FBXL7: variants seen among roughly 807,000 people sequenced by gnomAD.
The protein encoded by FBXL7 is F-box and leucine rich repeat protein 7.
In FBXL7, 12 loss-of-function variants were observed where a neutral mutation model predicts 38.3. The observed-to-expected ratio is 0.31, with a 90% CI of 0.20 to 0.51. The LOEUF (loss-of-function observed/expected upper bound fraction) is 0.51. Among genes scored for constraint, FBXL7 ranks in the 20% least tolerant of loss-of-function variants. The pLI, the probability that FBXL7 is intolerant of heterozygous loss-of-function variation, is 0.98. For missense variants in FBXL7, 567 were observed against 676.4 expected (o/e 0.84, Z 1.79); for synonymous variants, 297 against 300.9 (o/e 0.99, Z 0.13).
intron 2 of FBXL7, among the ~76,000 whole-genome samples, chr5:15,771,007 T>A (rs984127280): frequency 1.3e-5 from 2 of 152,206 alleles, no homozygotes; most frequent in African/African-American, 4.8e-5. Flanking sequence ...TTAACGGAAT[T>A]TCCACATCTC....
chr5:15,501,289 GT>G, intron 1 of FBXL7: 2 of 407,390 alleles, frequency 4.9e-6, no homozygotes, highest in Non-Finnish European at 6.6e-6. Flanking sequence ...AGGACCATCT[GT>G]TACGTGGGGC....
chr5:15,565,192 G>T (rs1215356641), intron 1 of FBXL7, among the ~76,000 whole-genome samples: 1 of 152,004 alleles, frequency 6.6e-6, no homozygotes, highest in Non-Finnish European at 1.5e-5. Context: ...TGATTAGCTT[G>T]TGCTTAAAAA....
intron 1 of FBXL7, among the ~76,000 whole-genome samples, chr5:15,608,431 G>T (rs997168480): frequency 6.6e-6 from 1 of 152,140 alleles, no homozygotes; most frequent in African/African-American, 2.4e-5. Context: ...GCTTGGAAGT[G>T]GTAGCTATGG....
intron 1 of FBXL7, among the ~76,000 whole-genome samples, chr5:15,525,468 A>C (rs1271099876): frequency 1.3e-5 from 2 of 152,120 alleles, no homozygotes; most frequent in Admixed American, 1.3e-4. Context: ...CTGTTTTGCA[A>C]ATGAGGACAT....
At chr5:15,554,936 G>T (rs1485665117) in intron 1 of FBXL7, among the ~76,000 whole-genome samples, 6 of 152,224 alleles carry the variant, frequency 3.9e-5, no homozygotes, top group African/African-American at 1.2e-4. Flanking sequence ...TAGAGAAAAA[G>T]TCAGAGTCAC....
intron 2 of FBXL7, among the ~76,000 whole-genome samples, chr5:15,694,156 A>G (rs1238892329): frequency 6.6e-6 from 1 of 152,136 alleles, no homozygotes; most frequent in Non-Finnish European, 1.5e-5. Context: ...GCCTGTCTGC[A>G]TGCTTCCTCT....
At position 15,638,407 on chromosome 5, in the gene FBXL7, T is replaced by C. The variant is rs564844647; in HGVS notation, c.127+22335T>C. ...AGTGTGGGATCTGGGATCAGCAGCATCCCATCCCTAGAAGCTGTTAGAGAC... is the reference window on the plus strand; with the variant it reads ...AGTGTGGGATCTGGGATCAGCAGCACCCCATCCCTAGAAGCTGTTAGAGAC... On this transcript the variant is annotated intron_variant, in intron 2 of 3. Coordinates refer to ENST00000504595, the MANE Select transcript of FBXL7 (RefSeq NM_012304.5). Among the ~76,000 whole-genome samples, 3 of 152,248 alleles carry C rather than the reference T, an allele frequency of 2.0e-5. No homozygotes were observed. The East Asian group carries it at 5.8e-4, about 29-fold the overall frequency.
intron 2 of FBXL7, among the ~76,000 whole-genome samples, chr5:15,855,033 A>G (rs908449918): frequency 3.9e-5 from 6 of 152,176 alleles, no homozygotes; most frequent in Admixed American, 3.3e-4. Context: ...GTCAAAATCC[A>G]TTGTCTCTAC....
chr5:15,746,689 C>T (rs547586846), intron 2 of FBXL7, among the ~76,000 whole-genome samples: 51 of 152,106 alleles, frequency 3.4e-4, no homozygotes, highest in African/African-American at 1.2e-3. Flanking sequence ...CATAAACATT[C>T]GGTTTCTGGC....
chr5:15,889,833 T>G (rs1413302312), intron 2 of FBXL7, among the ~76,000 whole-genome samples: 2 of 152,160 alleles, frequency 1.3e-5, no homozygotes, highest in African/African-American at 4.8e-5. Flanking sequence ...CACAGACATA[T>G]GATCATTCAA....
At chr5:15,646,075 C>G (rs375325877) in intron 2 of FBXL7, among the ~76,000 whole-genome samples, 5 of 152,136 alleles carry the variant, frequency 3.3e-5, no homozygotes, top group Non-Finnish European at 7.3e-5. Flanking sequence ...AGCCACCAAC[C>G]TCTCTGATTC....
intron 2 of FBXL7, among the ~76,000 whole-genome samples, chr5:15,714,638 A>C (rs948012058): frequency 3.9e-5 from 6 of 152,100 alleles, no homozygotes; most frequent in African/African-American, 1.4e-4. Flanking sequence ...GTGGATCACG[A>C]GGTCAGGAGA....
chr5:15,712,797 G>A (rs998497209), intron 2 of FBXL7, among the ~76,000 whole-genome samples: 2 of 152,156 alleles, frequency 1.3e-5, no homozygotes, highest in Admixed American at 6.5e-5. Context: ...CACGTGGAAG[G>A]ACAGGTATTC....
chr5:15,797,103 G>A (rs1737435484), intron 2 of FBXL7, among the ~76,000 whole-genome samples: 3 of 152,328 alleles, frequency 2.0e-5, no homozygotes, highest in African/African-American at 2.4e-5. Flanking sequence ...ATGTGACATA[G>A]CTGAGTGACC....
At chr5:15,925,345 G>T (rs1389123510) in intron 2 of FBXL7, among the ~76,000 whole-genome samples, 1 of 152,210 alleles carries the variant, frequency 6.6e-6, no homozygotes, top group Non-Finnish European at 1.5e-5. Flanking sequence ...CAAGAAAGGT[G>T]TTTGTATTTC....
chr5:15,600,498 A>C (rs1739758584), intron 1 of FBXL7, among the ~76,000 whole-genome samples: 1 of 151,956 alleles, frequency 6.6e-6, no homozygotes. Flanking sequence ...TTAGAATTTT[A>C]TTTTTATTTC....
At chr5:15,774,133 C>T (rs1397097998) in intron 2 of FBXL7, among the ~76,000 whole-genome samples, 1 of 151,982 alleles carries the variant, frequency 6.6e-6, no homozygotes, top group Non-Finnish European at 1.5e-5. Flanking sequence ...GCTTTGAGAG[C>T]AGAATCTGTT....
At chr5:15,710,524 T>A (rs1743830439) in intron 2 of FBXL7, among the ~76,000 whole-genome samples, 1 of 152,194 alleles carries the variant, frequency 6.6e-6, no homozygotes, top group African/African-American at 2.4e-5. Flanking sequence ...TTGCTTACTT[T>A]AATTTTTTTC....
At chr5:15,804,436 T>C (rs2126745162) in intron 2 of FBXL7, among the ~76,000 whole-genome samples, 2 of 152,280 alleles carry the variant, frequency 1.3e-5, no homozygotes, top group East Asian at 3.9e-4. Context: ...GCCACTGCAG[T>C]ACAGTCTGGA....
Sources: gnomAD v4.1 joint callset for allele counts (sites outside exome capture counted in the v4.1 genomes callset) on GRCh38, gnomAD v4.1.1 for gene constraint, MANE v1.5 for transcripts, NCBI Gene and HGNC (gene_info 2026-07-23, HGNC 2026-07-21) for gene names.